Variants in DGKZ observed in about 807,000 individuals in gnomAD.
DGKZ encodes the protein diacylglycerol kinase zeta.
In DGKZ, 45 loss-of-function variants were observed where a neutral mutation model predicts 142.5. That is an observed-to-expected ratio of 0.32 (90% CI 0.25 to 0.40). The LOEUF is 0.40. DGKZ is among the 10% of genes least tolerant of loss of function. DGKZ has a pLI of 1.00. For missense variants in DGKZ, 755 were observed against 1,306.5 expected, an observed-to-expected ratio of 0.58 and a Z score of 6.51; for synonymous variants, 442 against 527.0, an observed-to-expected ratio of 0.84 and a Z score of 2.21.
chr11:46,334,557 A>G (rs1939917645), intron 1 of DGKZ, among the ~76,000 whole-genome samples: 1 of 152,186 alleles, frequency 6.6e-6, no homozygotes, highest in African/African-American at 2.4e-5. Context: ...CTCTGGGGCC[A>G]TCAGGGCTCC....
chr11:46,353,056 G>A (rs1941604724), intron 1 of DGKZ, among the ~76,000 whole-genome samples: 1 of 152,256 alleles, frequency 6.6e-6, no homozygotes, highest in Non-Finnish European at 1.5e-5. Flanking sequence ...AGGGGAGGGA[G>A]AGGCTGAAGA....
intron 6 of DGKZ, among the ~76,000 whole-genome samples, chr11:46,370,544 A>G (rs1943827735): frequency 6.6e-6 from 1 of 152,214 alleles, no homozygotes; most frequent in African/African-American, 2.4e-5. Context: ...AGCCTGTGTG[A>G]TGAACAGGGA....
rs946232335 is a variant in DGKZ, at chr11:46,354,635, T to C, written c.161+6815T>C. 3.3e-5 allele frequency among the ~76,000 whole-genome samples: 5 copies of C among 152,234 alleles called. No homozygotes were observed. In the South Asian group the frequency reaches 1.0e-3, roughly 32 times the overall value. On this transcript the variant is annotated intron_variant, in intron 1 of 30. Transcript: ENST00000527911. ...AGCATTAGGCCATATTTGCTTTAGA[T>C]AGAGATGGAGGCCCCTGTGTCTTAC... is the stretch of plus-strand genomic sequence containing the variant.
rs200746859 is a variant in DGKZ at position 46,366,302 on chromosome 11, C to G, written c.162-989C>G. 7.0e-4 allele frequency: 1,108 copies of G among 1,583,014 alleles called. 1 individual carries two copies. Among genetic ancestry groups the G allele is most frequent in the Middle Eastern group, 1.2e-3 (7 of 5,724 alleles). The stretch of plus-strand genomic sequence containing the variant: ...ACATTTCCGGGGGAAGGTGCCAGGC[C>G]CTGGAGAGGGGCAGCAGCGGCCCAG... On this transcript the variant is annotated intron_variant, in intron 1 of 30. Transcript: ENST00000527911.
rs1055597611 is a variant in DGKZ, at chr11:46,347,869, G to C, written c.161+49G>C. On this transcript the variant is annotated intron_variant, in intron 1 of 30. Coordinates refer to ENST00000527911, the Ensembl canonical transcript of DGKZ. The surrounding 1 kb of genome is among the most constrained non-coding windows in gnomAD (Gnocchi z 6.4). ...GGCACCGAGGCACCGGCAGGTTACCGCTCCCTCACCGGGGGACATTCCTCG... is the reference window on the plus strand; with the variant it reads ...GGCACCGAGGCACCGGCAGGTTACCCCTCCCTCACCGGGGGACATTCCTCG... 3.2e-6 allele frequency: 4 copies of C among 1,269,252 alleles called. No individual in the cohort carries two copies. In the African/African-American group the frequency reaches 6.2e-5, roughly 20 times the overall value. 78.6% of individuals were successfully genotyped at this position (1,269,252 alleles called of 1,614,324 possible). A position where few individuals can be genotyped will look rare whatever the true frequency, so the allele number is the denominator to read the frequency against.
At chr11:46,365,738 A>C in intron 1 of DGKZ, 1 of 985,384 alleles carries the variant, frequency 1.0e-6, no homozygotes, top group Non-Finnish European at 1.2e-6. Flanking sequence ...GGGGACACCT[A>C]ACCTGCCCCC....
chr11:46,355,062 T>G (rs990131905), intron 1 of DGKZ, among the ~76,000 whole-genome samples: 2 of 152,234 alleles, frequency 1.3e-5, no homozygotes, highest in Admixed American at 1.3e-4. Flanking sequence ...TGCCAAATTG[T>G]GCTCCGAAGT....
At chr11:46,365,591 C>A (rs889882771) in intron 1 of DGKZ, 24 of 985,292 alleles carry the variant, frequency 2.4e-5, no homozygotes, top group Non-Finnish European at 2.8e-5. Context: ...ACACATTAGA[C>A]CCTCTCTATT....
chr11:46,357,385 G>C (rs1197635273), intron 1 of DGKZ, among the ~76,000 whole-genome samples: 1 of 152,218 alleles, frequency 6.6e-6, no homozygotes, highest in Non-Finnish European at 1.5e-5. Context: ...GGGCCTCCAG[G>C]TGTCACTCTT....
chr11:46,341,577 C>A (rs1342965838), intron 1 of DGKZ, among the ~76,000 whole-genome samples: 1 of 152,184 alleles, frequency 6.6e-6, no homozygotes, highest in Non-Finnish European at 1.5e-5. Flanking sequence ...TCTTAGAAAT[C>A]ATCTGGTCCA....
intron 20 of DGKZ, 21 bp from the exon 21 acceptor site, chr11:46,375,830 C>G: frequency 6.4e-7 from 1 of 1,550,518 alleles, no homozygotes; most frequent in Non-Finnish European, 8.7e-7. Context: ...TGAGCCCCCG[C>G]TTGCCGGCCC....
chr11:46,371,454 G>A, intron 7 of DGKZ, 33 bp from the exon 8 acceptor site: 1 of 1,604,134 alleles, frequency 6.2e-7, no homozygotes, highest in Non-Finnish European at 8.5e-7. Flanking sequence ...TCTGAACACG[G>A]TCCCGCTGAG....
intron 1 of DGKZ, chr11:46,365,450 C>T: frequency 7.1e-6 from 7 of 985,418 alleles, no homozygotes; most frequent in Non-Finnish European, 8.4e-6. Context: ...ACCCAGAATC[C>T]AGAAGGCTTT....
chr11:46,375,933 G>C lies in DGKZ; in HGVS notation c.1993G>C (p.Glu665Gln), dbSNP rs559504458. Reference sequence around the variant, plus strand: ...CTATGAGGCCCTGCACTACGACAAGGAGCAGCTCAAGGAGGCCTGTGAGTG... The same window carrying C: ...CTATGAGGCCCTGCACTACGACAAGCAGCAGCTCAAGGAGGCCTGTGAGTG... Residue 665 changes from glutamate to glutamine, a missense_variant, in exon 21 of 31, where the codon GAG becomes CAG. Physicochemically the swap from Glu to Gln is conservative, Grantham distance 29. Coordinates refer to ENST00000527911, the Ensembl canonical transcript of DGKZ. The C allele has an allele frequency of 4.4e-6, 7 of 1,606,960 alleles. No individual in the cohort carries two copies. The African/African-American group carries it at 9.3e-5, about 21-fold the overall frequency.
At chr11:46,338,219 G>A (rs574819016) in intron 1 of DGKZ, among the ~76,000 whole-genome samples, 5 of 152,102 alleles carry the variant, frequency 3.3e-5, no homozygotes, top group Non-Finnish European at 5.9e-5. Context: ...CATTCTTGCC[G>A]GGCGTGGTGG....
chr11:46,347,303 GTCGCCCCGCCCC>G (rs1940736404), upstream of DGKZ: 26 of 985,036 alleles, frequency 2.6e-5, no homozygotes, highest in Non-Finnish European at 3.1e-5. The surrounding 1 kb of genome is among the most constrained non-coding windows in gnomAD (Gnocchi z 6.4). Flanking sequence ...CCGCCCATTC[GTCGCCCCGCCCC>G]TCGGACCGCC....
intron 27 of DGKZ, chr11:46,378,749 C>T (rs1003064494): frequency 1.2e-6 from 1 of 853,540 alleles, no homozygotes; most frequent in Non-Finnish European, 1.9e-6. Flanking sequence ...AGGAGCAGGT[C>T]AGAGGAAGCA....
upstream of DGKZ, chr11:46,347,458 C>T (rs1940765844): frequency 1.0e-6 from 1 of 982,218 alleles, no homozygotes; most frequent in Non-Finnish European, 1.2e-6. The surrounding 1 kb of genome is among the most constrained non-coding windows in gnomAD (Gnocchi z 6.4). Context: ...GCGGCCGCGG[C>T]TGGCGGCACT....
chr11:46,369,869 C>A, intron 5 of DGKZ, 72 bp from the exon 6 acceptor site: 1 of 1,526,846 alleles, frequency 6.5e-7, no homozygotes, highest in Non-Finnish European at 9.1e-7. Flanking sequence ...TGTGTTGAGC[C>A]GTGTGGGCAG....
Sources: allele counts gnomAD v4.1 joint callset (sites outside exome capture counted in the v4.1 genomes callset), GRCh38; gene constraint gnomAD v4.1.1; non-coding constraint Gnocchi (gnomAD v3.1); transcripts MANE v1.5; gene names NCBI Gene and HGNC (gene_info 2026-07-23, HGNC 2026-07-21).